RBFOX1: variants seen among roughly 807,000 people sequenced by gnomAD.
RBFOX1 encodes RNA binding fox-1 homolog 1.
In RBFOX1, 8 loss-of-function variants were observed where a neutral mutation model predicts 57.7. That is an observed-to-expected ratio of 0.14 (90% confidence interval 0.08 to 0.25). The LOEUF (loss-of-function observed/expected upper bound fraction) is 0.25. Among genes scored for constraint, RBFOX1 ranks in the 10% least tolerant of loss-of-function variants. RBFOX1 has a pLI of 1.00. For missense variants in RBFOX1, 611 were observed against 548.5 expected (o/e 1.11, Z -1.14); for synonymous variants, 326 against 222.4 (o/e 1.47, Z -4.15).
At chr16:5,629,132 A>T (rs1006836033) in intron 3 of RBFOX1, among the ~76,000 whole-genome samples, 3 of 152,168 alleles carry the variant, frequency 2.0e-5, no homozygotes, top group Non-Finnish European at 4.4e-5. Context: ...TTTACTCTTC[A>T]TTTTCCACTT....
At chr16:7,556,525 T>G (rs1236589574) in intron 5 of RBFOX1, among the ~76,000 whole-genome samples, 2 of 152,198 alleles carry the variant, frequency 1.3e-5, no homozygotes, top group Non-Finnish European at 2.9e-5. Context: ...GTATGAAACT[T>G]TTACCTTGAA....
chr16:7,050,450 G>C (rs921349515), intron 3 of RBFOX1, among the ~76,000 whole-genome samples: 1 of 151,866 alleles, frequency 6.6e-6, no homozygotes, highest in Admixed American at 6.6e-5. Context: ...ATTTTTAGTA[G>C]AGAAGAGGTT....
At chr16:5,558,586 C>T (rs1157759245) in intron 2 of RBFOX1, among the ~76,000 whole-genome samples, 1 of 152,106 alleles carries the variant, frequency 6.6e-6, no homozygotes, top group Admixed American at 6.5e-5. Context: ...TGAATTGGTC[C>T]CTTTCCTTTC....
At chr16:7,467,379 C>G (rs959823207) in intron 4 of RBFOX1, among the ~76,000 whole-genome samples, 2 of 152,078 alleles carry the variant, frequency 1.3e-5, no homozygotes, top group African/African-American at 2.4e-5. Flanking sequence ...ATCTGTCTGC[C>G]TTCTAGGGTT....
chr16:6,835,387 C>T lies in RBFOX1; in HGVS notation c.-16+180737C>T, dbSNP rs147155128. 2.0e-4 allele frequency among the ~76,000 whole-genome samples: 30 copies of T among 152,248 alleles called. 1 individual carries two copies. The highest frequency in any genetic ancestry group is 7.2e-4 in the African/African-American group (30 of 41,548). On this transcript the variant is annotated intron_variant, in intron 3 of 15. Transcript: ENST00000550418. ...AATCAGGACAGGAAAAGATATAGGA[C>T]CTGTATTAAAGGGACACAAGATTCA...
intron 2 of RBFOX1, among the ~76,000 whole-genome samples, chr16:6,320,766 CTG>C (rs1307839788): frequency 1.5e-5 from 2 of 136,956 alleles, no homozygotes; most frequent in African/African-American, 2.5e-5. Flanking sequence ...CTTTCAAAAA[CTG>C]TTATTAAAAA....
intron 1 of RBFOX1, among the ~76,000 whole-genome samples, chr16:6,193,642 G>T (rs577072327): frequency 6.6e-6 from 1 of 151,938 alleles, no homozygotes; most frequent in South Asian, 2.1e-4. Context: ...TTGGGCAGCA[G>T]TGAGTGTGCA....
chr16:7,185,902 G>C (rs985639401), intron 4 of RBFOX1, among the ~76,000 whole-genome samples: 1 of 152,098 alleles, frequency 6.6e-6, no homozygotes, highest in Non-Finnish European at 1.5e-5. Flanking sequence ...CTTGAGCAAT[G>C]ATACAATTCC....
At chr16:7,435,292 G>A (rs141137745) in intron 4 of RBFOX1, among the ~76,000 whole-genome samples, 1 of 151,992 alleles carries the variant, frequency 6.6e-6, no homozygotes, top group African/African-American at 2.4e-5. Flanking sequence ...CTCCACTGAG[G>A]AGTTTGTCTG....
chr16:7,693,249 A>G, intron 14 of RBFOX1: 1 of 1,404,328 alleles, frequency 7.1e-7, no homozygotes, highest in South Asian at 1.2e-5. Context: ...TACACATCGA[A>G]GCAATTGGCA....
chr16:5,876,448 G>C (rs1011790405), intron 4 of RBFOX1, among the ~76,000 whole-genome samples: 2 of 152,100 alleles, frequency 1.3e-5, no homozygotes, highest in East Asian at 1.9e-4. Flanking sequence ...AAACCAGCTG[G>C]GGTGCTTAGA....
chr16:6,349,060 G>A (rs963067695), intron 2 of RBFOX1, among the ~76,000 whole-genome samples: 22 of 152,258 alleles, frequency 1.4e-4, no homozygotes, highest in African/African-American at 5.1e-4. Flanking sequence ...AAGAATAACT[G>A]TTGGCTAGGC....
chr16:7,242,768 C>G (rs1042479640), intron 4 of RBFOX1, among the ~76,000 whole-genome samples: 3 of 152,192 alleles, frequency 2.0e-5, no homozygotes, highest in African/African-American at 4.8e-5. Flanking sequence ...AACTAGTTGT[C>G]TGCAAGAACT....
intron 3 of RBFOX1, among the ~76,000 whole-genome samples, chr16:6,788,797 G>T (rs557522016): frequency 2.0e-5 from 3 of 152,034 alleles, no homozygotes; most frequent in Admixed American, 6.6e-5. Context: ...TTCTGAGGAT[G>T]CCTCTGTGAT....
Position 6,359,078 on chromosome 16 carries a change from TTTTG to T in RBFOX1, c.-64+42049_-64+42052del, listed in dbSNP as rs149046972. On this transcript the variant is annotated intron_variant, in intron 2 of 15. Coordinates refer to ENST00000550418, the MANE Select transcript of RBFOX1 (RefSeq NM_018723.4). ...ATGCTCAGCTTGTTGTTGAAAGGGT[TTTTG>T]TTTGTTTGTTTGTTTGTTTGTTTGT... Among the ~76,000 whole-genome samples, 676 of 151,166 alleles carry T rather than the reference TTTTG, an allele frequency of 4.5e-3. 1 individual carries two copies. The highest frequency in any genetic ancestry group is 0.011 in the African/African-American group (435 of 40,934).
At chr16:5,381,073 A>T (rs752617040) in intron 1 of RBFOX1, among the ~76,000 whole-genome samples, 1 of 152,198 alleles carries the variant, frequency 6.6e-6, no homozygotes, top group Admixed American at 6.5e-5. Context: ...CATTTACACC[A>T]TAGTGTGAAA....
chr16:7,288,887 G>T (rs1373832032), intron 4 of RBFOX1, among the ~76,000 whole-genome samples: 2 of 152,194 alleles, frequency 1.3e-5, no homozygotes, highest in Non-Finnish European at 1.5e-5. Flanking sequence ...ACTTGTGTGT[G>T]CTTCTTGATA....
intron 4 of RBFOX1, among the ~76,000 whole-genome samples, chr16:7,164,399 A>C (rs2079009916): frequency 6.6e-6 from 1 of 152,136 alleles, no homozygotes; most frequent in Non-Finnish European, 1.5e-5. Flanking sequence ...ATATTTTTGC[A>C]ATTACAAATA....
At chr16:7,057,833 C>A (rs1019904101) in intron 4 of RBFOX1, among the ~76,000 whole-genome samples, 1 of 152,118 alleles carries the variant, frequency 6.6e-6, no homozygotes, top group East Asian at 1.9e-4. Flanking sequence ...CATGGTGAAA[C>A]CCCGTCTCTG....
Sources: gnomAD v4.1 joint callset for allele counts (sites outside exome capture counted in the v4.1 genomes callset) on GRCh38, gnomAD v4.1.1 for gene constraint, MANE v1.5 for transcripts, NCBI Gene and HGNC (gene_info 2026-07-23, HGNC 2026-07-21) for gene names.